TXLNB: variants seen among roughly 807,000 people sequenced by gnomAD.
The protein encoded by TXLNB is taxilin beta.
A neutral mutation model predicts 57.4 loss-of-function variants in TXLNB; 37 were observed. The ratio of observed to expected loss-of-function variants is 0.64; its 90% confidence interval spans 0.50 to 0.85. The LOEUF (loss-of-function observed/expected upper bound fraction) is 0.85. TXLNB is among the 40% of genes least tolerant of loss of function. TXLNB has a pLI of 0.00. For missense variants in TXLNB, 848 were observed against 825.6 expected, an observed-to-expected ratio of 1.03 and a Z score of -0.33; for synonymous variants, 302 against 309.6, an observed-to-expected ratio of 0.98 and a Z score of 0.26.
At chr6:139,292,803 GC>G (rs1004953072), upstream of TXLNB, among the ~76,000 whole-genome samples, 2 of 152,134 alleles carry the variant, frequency 1.3e-5, no homozygotes, top group Non-Finnish European at 2.9e-5. The surrounding 1 kb of genome is among the most constrained non-coding windows in gnomAD (Gnocchi z 4.0). Flanking sequence ...ACCATAAAAT[GC>G]CTGTCTATTA....
chr6:139,211,612 G>A, the TXLNB span, among the ~76,000 whole-genome samples: 2 of 152,154 alleles, frequency 1.3e-5, no homozygotes, highest in Admixed American at 6.6e-5. Context: ...CACCAGCAAC[G>A]GAACAAAGCT....
At chr6:139,322,535 A>G in the TXLNB span, among the ~76,000 whole-genome samples, 2 of 152,170 alleles carry the variant, frequency 1.3e-5, no homozygotes, top group Admixed American at 1.3e-4. Flanking sequence ...CTTCCCCATT[A>G]TAGAAAATGG....
chr6:139,294,166 C>T (rs1318572836), upstream of TXLNB, among the ~76,000 whole-genome samples: 2 of 151,996 alleles, frequency 1.3e-5, no homozygotes, highest in African/African-American at 2.4e-5. Flanking sequence ...TCAATAAATG[C>T]GACTCAAATT....
chr6:139,253,762 G>A (rs1044096522), intron 7 of TXLNB, among the ~76,000 whole-genome samples: 1 of 152,154 alleles, frequency 6.6e-6, no homozygotes, highest in Non-Finnish European at 1.5e-5. Context: ...TCACTCTGTA[G>A]CCCACAGTTT....
At chr6:139,225,915 A>G in the TXLNB span, among the ~76,000 whole-genome samples, 1 of 152,224 alleles carries the variant, frequency 6.6e-6, no homozygotes, top group Non-Finnish European at 1.5e-5. Flanking sequence ...TATCAGCTAT[A>G]AAGATTTATT....
In TXLNB at chr6:139,266,965, G is replaced by GAAA. The variant is rs201223278; in HGVS notation, c.687+3488_687+3490dup. ...TGGCACATTTATTTAAGGCTAAAAG[G>GAAA]AAAAAAAAAAAAAAAACCCACGAAT... On this transcript the variant is annotated intron_variant, in intron 4 of 9. Coordinates refer to ENST00000358430, the MANE Select transcript of TXLNB (RefSeq NM_153235.4). 5.8e-3 allele frequency among the ~76,000 whole-genome samples: 638 copies of GAAA among 110,474 alleles called. 15 individuals carry two copies. The highest frequency in any genetic ancestry group is 0.017 in the African/African-American group (574 of 33,908). 72.5% of individuals were successfully genotyped at this position (110,474 alleles called of 152,430 possible). A position where few individuals can be genotyped will look rare whatever the true frequency, so the allele number is the denominator to read the frequency against.
the TXLNB span, among the ~76,000 whole-genome samples, chr6:139,222,822 TAACAAC>T: frequency 6.6e-6 from 1 of 151,756 alleles, no homozygotes; most frequent in African/African-American, 2.4e-5. Context: ...ACAACAACAA[TAACAAC>T]AAAAACAAAA....
chr6:139,189,346 A>C, the TXLNB span, among the ~76,000 whole-genome samples: 1 of 152,244 alleles, frequency 6.6e-6, no homozygotes, highest in Non-Finnish European at 1.5e-5. Context: ...CTTTATTCAA[A>C]ACTGCTAAGC....
Position 139,262,665 on chromosome 6 carries a change from C to G in TXLNB, c.796G>C (p.Glu266Gln), listed in dbSNP as rs140293549. 8 of 1,614,102 alleles carry G rather than the reference C, an allele frequency of 5.0e-6. No individual in the cohort carries two copies. The highest frequency in any genetic ancestry group is 6.8e-6 in the Non-Finnish European group (8 of 1,180,036). ...DIQGQIEQQS[E>Q]RNMKLCQENT... is the part of the protein sequence containing the mutation. Reference sequence around the variant, plus strand: ...TCCTGACAGAGCTTCATATTTCGCTCACTCTGCTGCTCGATCTGGCCCTGG... The same window carrying G: ...TCCTGACAGAGCTTCATATTTCGCTGACTCTGCTGCTCGATCTGGCCCTGG... The change falls in exon 5 of 10, where the codon GAG (glutamate) becomes CAG (glutamine). Residue 266 changes from glutamate to glutamine, a missense_variant. Transcript: ENST00000358430.
At chr6:139,166,138 G>A in the TXLNB span, 1 of 665,442 alleles carries the variant, frequency 1.5e-6, no homozygotes, top group Non-Finnish European at 2.6e-6. Context: ...TGGTTCACTG[G>A]AGTGATTCAT....
chr6:139,276,120 C>T (rs1161441491), intron 3 of TXLNB, among the ~76,000 whole-genome samples: 1 of 152,168 alleles, frequency 6.6e-6, no homozygotes, highest in Non-Finnish European at 1.5e-5. Flanking sequence ...CCATATAGTA[C>T]ATGCTGAAAG....
At chr6:139,290,368 A>C (rs1000833080) in intron 1 of TXLNB, among the ~76,000 whole-genome samples, 3 of 152,232 alleles carry the variant, frequency 2.0e-5, no homozygotes, top group Non-Finnish European at 4.4e-5. Flanking sequence ...TGACAGAGCA[A>C]GACTTCGTCT....
chr6:139,206,692 C>T, the TXLNB span, among the ~76,000 whole-genome samples: 1 of 150,468 alleles, frequency 6.6e-6, no homozygotes, highest in African/African-American at 2.4e-5. Flanking sequence ...AAAAAAGATA[C>T]AGAATGGCAG....
the TXLNB span, among the ~76,000 whole-genome samples, chr6:139,196,117 C>CA: frequency 6.6e-6 from 1 of 151,380 alleles, no homozygotes; most frequent in Admixed American, 6.6e-5. Flanking sequence ...TGAGATAAGA[C>CA]AAAAAAGGAA....
chr6:139,186,206 A>G, the TXLNB span, among the ~76,000 whole-genome samples: 1 of 152,192 alleles, frequency 6.6e-6, no homozygotes, highest in African/African-American at 2.4e-5. Flanking sequence ...CTCAAAATGG[A>G]TCAGATGTAA....
At chr6:139,237,187 C>G (rs964150982), downstream of TXLNB, among the ~76,000 whole-genome samples, 2 of 152,076 alleles carry the variant, frequency 1.3e-5, no homozygotes, top group Non-Finnish European at 2.9e-5. Flanking sequence ...GATTTGAACT[C>G]TTTCACATTT....
chr6:139,213,987 T>G, the TXLNB span, among the ~76,000 whole-genome samples: 1 of 152,166 alleles, frequency 6.6e-6, no homozygotes, highest in African/African-American at 2.4e-5. Flanking sequence ...CAATAATTAA[T>G]AGCTTACCAA....
the TXLNB span, among the ~76,000 whole-genome samples, chr6:139,194,883 ATTC>A: frequency 3.7e-4 from 56 of 152,342 alleles, no homozygotes; most frequent in African/African-American, 1.3e-3. Flanking sequence ...TCTCCCTGCT[ATTC>A]TTCTAAAATA....
the TXLNB span, among the ~76,000 whole-genome samples, chr6:139,192,211 C>T: frequency 6.6e-6 from 1 of 152,172 alleles, no homozygotes; most frequent in African/African-American, 2.4e-5. Flanking sequence ...TCTGGAGTCA[C>T]AAGTCTTGCA....
Sources: allele counts gnomAD v4.1 joint callset (sites outside exome capture counted in the v4.1 genomes callset), GRCh38; gene constraint gnomAD v4.1.1; non-coding constraint Gnocchi (gnomAD v3.1); transcripts MANE v1.5; gene names NCBI Gene and HGNC (gene_info 2026-07-23, HGNC 2026-07-21).